RPS6KA5: variants seen among roughly 807,000 people sequenced by gnomAD.
RPS6KA5 encodes ribosomal protein S6 kinase A5, also known as ribosomal protein S6 kinase alpha-5.
A neutral mutation model predicts 85.5 loss-of-function variants in RPS6KA5; 27 were observed. The observed-to-expected ratio is 0.32, with a 90% confidence interval of 0.23 to 0.44. The LOEUF is 0.44. RPS6KA5 is among the 20% of genes least tolerant of loss of function. RPS6KA5 has a pLI of 1.00. For synonymous variants in RPS6KA5, 334 were observed against 348.2 expected (o/e 0.96, Z 0.46); for missense variants, 811 against 980.9 (o/e 0.83, Z 2.31).
intron 3 of RPS6KA5, among the ~76,000 whole-genome samples, chr14:90,959,723 G>A (rs1372141747): frequency 6.6e-6 from 1 of 152,132 alleles, no homozygotes; most frequent in Non-Finnish European, 1.5e-5. Context: ...TGGTGAAAGC[G>A]CTTCGTGCTA....
chr14:90,888,547 G>A (rs955499395), intron 14 of RPS6KA5, among the ~76,000 whole-genome samples: 2 of 151,814 alleles, frequency 1.3e-5, no homozygotes, highest in African/African-American at 4.8e-5. Context: ...ACTGAAAACC[G>A]ATGAGATAAA....
intron 2 of RPS6KA5, among the ~76,000 whole-genome samples, chr14:90,988,775 T>C (rs529507867): frequency 6.6e-6 from 1 of 152,274 alleles, no homozygotes; most frequent in East Asian, 1.9e-4. Context: ...ATCATGCCAC[T>C]GCACTCCAGT....
At chr14:91,013,692 A>G (rs1185956020) in intron 1 of RPS6KA5, among the ~76,000 whole-genome samples, 1 of 152,206 alleles carries the variant, frequency 6.6e-6, no homozygotes, top group Non-Finnish European at 1.5e-5. Flanking sequence ...GGCAAAGGAG[A>G]GGCAATAAAA....
intron 5 of RPS6KA5, among the ~76,000 whole-genome samples, chr14:90,923,826 C>A (rs1303176482): frequency 6.6e-6 from 1 of 151,848 alleles, no homozygotes. Flanking sequence ...TAGATGTTTC[C>A]TTTTTATAGA....
At chr14:90,949,302 T>A (rs1229796497) in intron 3 of RPS6KA5, among the ~76,000 whole-genome samples, 1 of 152,240 alleles carries the variant, frequency 6.6e-6, no homozygotes, top group East Asian at 1.9e-4. Context: ...TCATCTCTTC[T>A]TCTATGGCCA....
chr14:91,050,502 C>G (rs1054051354), intron 1 of RPS6KA5, among the ~76,000 whole-genome samples: 3 of 152,234 alleles, frequency 2.0e-5, no homozygotes, highest in Non-Finnish European at 2.9e-5. Flanking sequence ...AATCTCGGCT[C>G]ACTGCAACTT....
Position 90,850,386 on chromosome 14 carries a change from C to G in RPS6KA5, c.*21688G>C, listed in dbSNP as rs928150617. The G allele has an allele frequency of 7.8e-6, 1 of 128,866 alleles. No individual in the cohort carries two copies. Among genetic ancestry groups the G allele is most frequent in the African/African-American group, 2.9e-5 (1 of 34,092 alleles). The allele number at this position is 128,866 out of a possible 1,614,324, so 8.0% of individuals were successfully genotyped here. ...CATAAATACTAAATGGAAGAAGACA[C>G]AAATAGAAAGAGAAGAAAGTATTTT... is the stretch of plus-strand genomic sequence containing the variant. On this transcript the variant is annotated 3_prime_UTR_variant, in exon 17 of 17. Coordinates refer to ENST00000614987, the MANE Select transcript of RPS6KA5 (RefSeq NM_004755.4).
At chr14:90,908,297 T>C (rs1366997838) in intron 7 of RPS6KA5, among the ~76,000 whole-genome samples, 4 of 152,158 alleles carry the variant, frequency 2.6e-5, no homozygotes, top group Non-Finnish European at 5.9e-5. Flanking sequence ...GGGACCACAC[T>C]GGGAGAAATT....
intron 14 of RPS6KA5, among the ~76,000 whole-genome samples, chr14:90,881,446 C>CT (rs1281965159): frequency 1.4e-5 from 2 of 139,642 alleles, no homozygotes; most frequent in East Asian, 4.3e-4. Context: ...AAGCAAGACT[C>CT]TGTCTCAAAA....
At chr14:90,998,226 T>C (rs2040619765) in intron 2 of RPS6KA5, among the ~76,000 whole-genome samples, 1 of 152,126 alleles carries the variant, frequency 6.6e-6, no homozygotes, top group Non-Finnish European at 1.5e-5. Context: ...TGCTTGGGCA[T>C]TAATAGCTAA....
Position 91,040,315 on chromosome 14 carries a change from G to A in RPS6KA5, c.103+20017C>T, listed in dbSNP as rs143407624. Among the ~76,000 whole-genome samples, 149 of 152,326 alleles carry A rather than the reference G, an allele frequency of 9.8e-4. 2 individuals are homozygous for A. The East Asian group carries it at 0.023, about 23-fold the overall frequency. Reference sequence around the variant, plus strand: ...CCCAGCTACTTGGGAGGCTGAGGCCGGAGAATCGCTTGAACCCGAGAGGTG... The same window carrying A: ...CCCAGCTACTTGGGAGGCTGAGGCCAGAGAATCGCTTGAACCCGAGAGGTG... On this transcript the variant is annotated intron_variant, in intron 1 of 16. Coordinates refer to ENST00000614987, the MANE Select transcript of RPS6KA5 (RefSeq NM_004755.4).
rs2031895610 is a variant in RPS6KA5, at chr14:90,849,751, TA to T, written c.*22322del. The T allele has an allele frequency of 6.6e-6, 1 of 152,208 alleles. No homozygotes were observed. Among genetic ancestry groups the T allele is most frequent in the Non-Finnish European group, 1.5e-5 (1 of 68,042 alleles). 9.4% of individuals were successfully genotyped at this position (152,208 alleles called of 1,614,324 possible). On this transcript the variant is annotated 3_prime_UTR_variant, in exon 17 of 17. Coordinates refer to ENST00000614987, the MANE Select transcript of RPS6KA5 (RefSeq NM_004755.4). ...TATTGATGCTAATGTAGGGGTCAGC[TA>T]ACAGTAACAAGCTACTACTATTATT...
chr14:90,937,520 A>G (rs2037326950), intron 5 of RPS6KA5, among the ~76,000 whole-genome samples: 2 of 152,210 alleles, frequency 1.3e-5, no homozygotes, highest in Non-Finnish European at 1.5e-5. Context: ...GGAAGAGGTT[A>G]AAGAGAAGAG....
At chr14:91,020,359 C>T (rs565183145) in intron 1 of RPS6KA5, among the ~76,000 whole-genome samples, 4 of 152,180 alleles carry the variant, frequency 2.6e-5, no homozygotes, top group Admixed American at 1.3e-4. Flanking sequence ...AATTTACATA[C>T]AATTTACATT....
At chr14:90,977,018 T>G (rs2039598935) in intron 3 of RPS6KA5, among the ~76,000 whole-genome samples, 1 of 152,144 alleles carries the variant, frequency 6.6e-6, no homozygotes. Context: ...GATTCAGACT[T>G]GAGCTCCAAT....
chr14:91,034,306 CAAA>C (rs201455291), intron 1 of RPS6KA5, among the ~76,000 whole-genome samples: 11 of 108,628 alleles, frequency 1.0e-4, no homozygotes, highest in East Asian at 2.4e-4. Context: ...AACCCTGTCT[CAAA>C]AAAAAAAAAA....
chr14:91,032,816 A>G (rs958226076), intron 1 of RPS6KA5, among the ~76,000 whole-genome samples: 7 of 152,160 alleles, frequency 4.6e-5, no homozygotes, highest in Admixed American at 1.3e-4. Flanking sequence ...ATACAACAGA[A>G]AAATAGGAAA....
At position 90,870,118 on chromosome 14, in the gene RPS6KA5, C is replaced by T. The variant is rs1264113639; in HGVS notation, c.*1956G>A. 6.6e-6 allele frequency: 1 copy of T among 152,046 alleles called. No individual in the cohort carries two copies. The highest frequency in any genetic ancestry group is 1.5e-5 in the Non-Finnish European group (1 of 67,992). The allele number at this position is 152,046 out of a possible 1,614,324, so 9.4% of individuals were successfully genotyped here. A position where few individuals can be genotyped will look rare whatever the true frequency, so the allele number is the denominator to read the frequency against. ...ATCATTTTCTATTAGCAACATAGTC[C>T]CTTTAGTTTGTACTTTATAACTAGT... is the stretch of plus-strand genomic sequence containing the variant. On this transcript the variant is annotated 3_prime_UTR_variant, in exon 17 of 17. Transcript: ENST00000614987.
intron 3 of RPS6KA5, among the ~76,000 whole-genome samples, chr14:90,965,370 T>C (rs1443278280): frequency 6.6e-6 from 1 of 152,016 alleles, no homozygotes; most frequent in East Asian, 1.9e-4. Flanking sequence ...CGAGACTCTG[T>C]CTCAACAAAA....
Sources: allele counts gnomAD v4.1 joint callset (sites outside exome capture counted in the v4.1 genomes callset), GRCh38; gene constraint gnomAD v4.1.1; transcripts MANE v1.5; gene names NCBI Gene and HGNC (gene_info 2026-07-23, HGNC 2026-07-21).